Variants in NEK10 observed in about 807,000 individuals in gnomAD.
NEK10 encodes NIMA related kinase 10, also known as serine/threonine-protein kinase Nek10.
In NEK10, 122 loss-of-function variants were observed where a neutral mutation model predicts 159.8. The observed-to-expected ratio is 0.76, with a 90% confidence interval of 0.66 to 0.89. The LOEUF (loss-of-function observed/expected upper bound fraction) is 0.89. Ranked by LOEUF, NEK10 falls within the 40% of genes least tolerant of loss-of-function variation. The pLI, the probability that NEK10 is intolerant of heterozygous loss-of-function variation, is 0.00. For synonymous variants in NEK10, 466 were observed against 457.1 expected, an observed-to-expected ratio of 1.02 and a Z score of -0.25; for missense variants, 1,342 against 1,323.1, an observed-to-expected ratio of 1.01 and a Z score of -0.22.
intron 23 of NEK10, among the ~76,000 whole-genome samples, chr3:27,212,669 ATATAG>A (rs1207655646): frequency 6.6e-6 from 1 of 152,262 alleles, no homozygotes; most frequent in African/African-American, 2.4e-5. Flanking sequence ...CTTCTATGTT[ATATAG>A]TAGTTATTTC....
chr3:27,126,460 C>T (rs1575411241), intron 32 of NEK10, among the ~76,000 whole-genome samples: 1 of 152,256 alleles, frequency 6.6e-6, no homozygotes, highest in East Asian at 1.9e-4. Flanking sequence ...ATTAGATAAC[C>T]TGTCTTTCTA....
intron 30 of NEK10, among the ~76,000 whole-genome samples, chr3:27,150,019 A>G (rs1250637674): frequency 1.3e-5 from 2 of 152,206 alleles, no homozygotes; most frequent in African/African-American, 4.8e-5. Context: ...CTGCCACAAC[A>G]TTCCCTTAAG....
intron 23 of NEK10, chr3:27,252,325 T>C (rs1955753336): frequency 2.4e-6 from 1 of 410,968 alleles, no homozygotes; most frequent in Admixed American, 2.5e-5. Context: ...AAGAGCAGAA[T>C]GAAGTAAAGA....
chr3:27,215,306 G>C (rs1345409620), intron 23 of NEK10, among the ~76,000 whole-genome samples: 1 of 152,170 alleles, frequency 6.6e-6, no homozygotes, highest in Non-Finnish European at 1.5e-5. Flanking sequence ...GGTAACCCAT[G>C]GGATGCCAAC....
chr3:27,267,005 A>G (rs9855899), intron 22 of NEK10, among the ~76,000 whole-genome samples: 2,112 of 152,216 alleles, frequency 0.014, 29 homozygotes, highest in African/African-American at 0.03. Context: ...TGTTTTCACA[A>G]CACCTCCACA....
intron 23 of NEK10, among the ~76,000 whole-genome samples, chr3:27,230,921 TG>T (rs1953186287): frequency 6.6e-6 from 1 of 151,974 alleles, no homozygotes; most frequent in Admixed American, 6.6e-5. Context: ...TCAATGGTAG[TG>T]GGGGACTTCA....
chr3:27,190,722 T>A (rs1949032084), intron 26 of NEK10, among the ~76,000 whole-genome samples: 1 of 152,170 alleles, frequency 6.6e-6, no homozygotes, highest in Non-Finnish European at 1.5e-5. Context: ...ATACCTAAGA[T>A]ATATAGAAAT....
chr3:27,341,198 AG>A (rs989185876), intron 5 of NEK10, among the ~76,000 whole-genome samples: 1 of 152,148 alleles, frequency 6.6e-6, no homozygotes, highest in African/African-American at 2.4e-5. Context: ...GAGTCCAGGA[AG>A]GGTGGGTGAG....
At chr3:27,207,275 T>A (rs1950613392) in intron 23 of NEK10, among the ~76,000 whole-genome samples, 1 of 152,204 alleles carries the variant, frequency 6.6e-6, no homozygotes, top group African/African-American at 2.4e-5. Context: ...AAGAACTAGC[T>A]TATTTTCACC....
chr3:27,311,751 G>T, intron 8 of NEK10: 2 of 246,326 alleles, frequency 8.1e-6, no homozygotes, highest in Non-Finnish European at 1.6e-5. Context: ...ATTCTATGAG[G>T]TAGGCAATCA....
chr3:27,262,830 C>T (rs1365920199), intron 22 of NEK10, among the ~76,000 whole-genome samples: 2 of 152,216 alleles, frequency 1.3e-5, no homozygotes, highest in Admixed American at 6.5e-5. Flanking sequence ...CTTCTCTCAA[C>T]TCGTCAAAGT....
At chr3:27,310,860 C>T (rs761135719) in intron 9 of NEK10, 89 bp downstream of exon 9, 1 of 758,924 alleles carries the variant, frequency 1.3e-6, no homozygotes, top group Non-Finnish European at 2.2e-6. Flanking sequence ...TCTAATTACA[C>T]ATGACTTAAC....
At chr3:27,246,137 G>A (rs550076377) in intron 23 of NEK10, among the ~76,000 whole-genome samples, 14 of 152,228 alleles carry the variant, frequency 9.2e-5, no homozygotes, top group South Asian at 2.1e-4. Context: ...TCTTTCTTGC[G>A]TTTTGTGATT....
rs148673556 is a variant in NEK10, at chr3:27,313,685, A to G, written c.489+612T>C. ...TTCCTCCCACCATATGGTATATACA[A>G]TGCTAAGGGCTTCAGCCTTCCAGCC... On this transcript the variant is annotated intron_variant, in intron 7 of 35. Coordinates refer to ENST00000691995, the MANE Select transcript of NEK10 (RefSeq NM_001394966.1). Among the ~76,000 whole-genome samples the G allele has an allele frequency of 5.7e-3, 868 of 152,142 alleles. 8 individuals are homozygous for G. The highest frequency in any genetic ancestry group is 0.02 in the African/African-American group (829 of 41,504).
chr3:27,314,421 G>A, intron 6 of NEK10, 83 bp from the exon 7 acceptor site: 2 of 815,344 alleles, frequency 2.5e-6, no homozygotes, highest in Non-Finnish European at 2.1e-6. Context: ...TCTTTACTAA[G>A]TTGTCATATT....
intron 5 of NEK10, among the ~76,000 whole-genome samples, chr3:27,338,868 T>C (rs2047002451): frequency 6.6e-6 from 1 of 151,890 alleles, no homozygotes; most frequent in East Asian, 1.9e-4. Flanking sequence ...TCCCATTCTG[T>C]AGGTTGTGGT....
At chr3:27,114,535 T>C (rs1940094900) in intron 35 of NEK10, among the ~76,000 whole-genome samples, 2 of 152,150 alleles carry the variant, frequency 1.3e-5, no homozygotes, top group African/African-American at 2.4e-5. Context: ...GAAAAACTCC[T>C]TGAAATGGGA....
chr3:27,180,527 A>G (rs960985829), intron 26 of NEK10, among the ~76,000 whole-genome samples: 2 of 152,214 alleles, frequency 1.3e-5, no homozygotes, highest in East Asian at 1.9e-4. Context: ...TTTCTCAAAA[A>G]AACAATGTCA....
chr3:27,206,770 C>T, intron 23 of NEK10: 1 of 234,870 alleles, frequency 4.3e-6, no homozygotes, highest in Non-Finnish European at 7.0e-6. Context: ...GAGTGGAGAA[C>T]TCATCCCAAG....
Sources: allele counts gnomAD v4.1 joint callset (sites outside exome capture counted in the v4.1 genomes callset), GRCh38; gene constraint gnomAD v4.1.1; transcripts MANE v1.5; gene names NCBI Gene and HGNC (gene_info 2026-07-23, HGNC 2026-07-21).